Variants in CDC40 observed in about 807,000 individuals in gnomAD.
CDC40 encodes the protein cell division cycle 40, also known as pre-mRNA-processing factor 17.
In CDC40, 27 loss-of-function variants were observed where a neutral mutation model predicts 80.6. The observed-to-expected ratio is 0.33, with a 90% confidence interval of 0.25 to 0.46. The LOEUF is 0.46. CDC40 is among the 20% of genes least tolerant of loss of function. The pLI, the probability that CDC40 is intolerant of heterozygous loss-of-function variation, is 1.00. For missense variants in CDC40, 486 were observed against 694.1 expected (o/e 0.70, Z 3.37); for synonymous variants, 221 against 232.6 (o/e 0.95, Z 0.45).
chr6:110,203,399 CTG>C (rs1777517423), intron 3 of CDC40, among the ~76,000 whole-genome samples: 1 of 152,120 alleles, frequency 6.6e-6, no homozygotes, highest in Admixed American at 6.6e-5. Flanking sequence ...AAATGTAAGG[CTG>C]TGAGACCTTT....
chr6:110,210,552 G>GGA (rs1214475949), intron 5 of CDC40, among the ~76,000 whole-genome samples, 155 bp from the exon 6 acceptor site: 989 of 64,488 alleles, frequency 0.015, 7 homozygotes, highest in Middle Eastern at 0.03. Context: ...ACTCATCTCA[G>GGA]AAAAAAAAAA....
chr6:110,223,085 T>G (rs1777798482), intron 12 of CDC40, among the ~76,000 whole-genome samples: 1 of 152,086 alleles, frequency 6.6e-6, no homozygotes, highest in Non-Finnish European at 1.5e-5. Flanking sequence ...AAAGCTTGTT[T>G]TTGTTTTTTG....
intron 4 of CDC40, among the ~76,000 whole-genome samples, chr6:110,207,934 A>C (rs1335121034): frequency 1.3e-5 from 2 of 152,220 alleles, no homozygotes; most frequent in African/African-American, 2.4e-5. Flanking sequence ...ATTAATGTCA[A>C]GCTTCATTTT....
At position 110,230,143 on chromosome 6, in the gene CDC40, C is replaced by G; in HGVS notation, c.*12C>G. ...AATTGTGGGATTAATGAGATTAATC[C>G]TTAAACTAGCTGGGATCATTTTTGA... On this transcript the variant is annotated 3_prime_UTR_variant, in exon 15 of 15. Coordinates refer to ENST00000307731, the MANE Select transcript of CDC40 (RefSeq NM_015891.3). The G allele has an allele frequency of 6.5e-7, 1 of 1,536,236 alleles. No homozygotes were observed.
chr6:110,185,265 C>T (rs1196093287), intron 1 of CDC40, among the ~76,000 whole-genome samples: 3 of 117,886 alleles, frequency 2.5e-5, no homozygotes, highest in African/African-American at 3.5e-5. Flanking sequence ...TTTTTGGAGA[C>T]GGAGTCTCGC....
chr6:110,185,274 G>A (rs1219382605), intron 1 of CDC40, among the ~76,000 whole-genome samples: 2 of 123,274 alleles, frequency 1.6e-5, no homozygotes, highest in Admixed American at 1.0e-4. Flanking sequence ...ACGGAGTCTC[G>A]CTCTGTCGCC....
At chr6:110,219,713 C>T (rs780585523) in intron 11 of CDC40, 23 bp from the exon 12 acceptor site, 1 of 1,611,154 alleles carries the variant, frequency 6.2e-7, no homozygotes, top group South Asian at 1.1e-5. Context: ...CTGTCTTTAC[C>T]TTTTTTCTTG....
At chr6:110,201,716 A>G (rs1201917314) in intron 3 of CDC40, 29 bp downstream of exon 3, 17 of 1,603,628 alleles carry the variant, frequency 1.1e-5, no homozygotes, top group Non-Finnish European at 1.4e-5. Context: ...AGCAGTTTCA[A>G]TTTTGGCTTT....
intron 2 of CDC40, among the ~76,000 whole-genome samples, chr6:110,198,525 C>A (rs1777449024): frequency 6.6e-6 from 1 of 152,036 alleles, no homozygotes; most frequent in Admixed American, 6.6e-5. Context: ...AAATTCAAGT[C>A]CTTTGCCAAT....
intron 1 of CDC40, among the ~76,000 whole-genome samples, chr6:110,181,466 G>A (rs1367069423): frequency 6.6e-6 from 1 of 152,134 alleles, no homozygotes. Context: ...ATGTGAAGAG[G>A]GGAGGCGGTG....
chr6:110,210,140 T>C (rs74829253), intron 5 of CDC40, among the ~76,000 whole-genome samples: 10,964 of 152,132 alleles, frequency 0.072, 538 homozygotes, highest in African/African-American at 0.14. Flanking sequence ...TAAAATTTAT[T>C]TCTAGGTGTC....
chr6:110,208,848 T>C (rs1024519314), intron 4 of CDC40, among the ~76,000 whole-genome samples: 5 of 152,216 alleles, frequency 3.3e-5, no homozygotes, highest in Admixed American at 1.3e-4. Flanking sequence ...ATTTGCAGAA[T>C]ATTGAATTAG....
chr6:110,230,070 C>T lies in CDC40; in HGVS notation c.1679C>T (p.Pro560Leu), dbSNP rs1342202452. 5 of 1,612,350 alleles carry T rather than the reference C, an allele frequency of 3.1e-6. No individual in the cohort carries two copies. In the African/African-American group the frequency reaches 5.3e-5, roughly 17 times the overall value. The change falls in exon 15 of 15, where the codon CCT becomes CTT. Residue 560 changes from proline to leucine, a missense_variant. Pro to Leu is a moderately conservative substitution (Grantham distance 98). Around this residue, in one of 3 missense-constraint regions of CDC40, gnomAD observed 88 missense variants for 138.7 expected, o/e 0.63. Coordinates refer to ENST00000307731, the MANE Select transcript of CDC40 (RefSeq NM_015891.3). ...GTGTGTATAGGTGCAGTGTGGCATC[C>T]TCATGAAACTTCTAAGGTCATAACA... ...DKVCIGAVWH[P>L]HETSKVITCG...
chr6:110,186,982 A>C (rs942170956), intron 1 of CDC40, among the ~76,000 whole-genome samples: 5 of 151,980 alleles, frequency 3.3e-5, no homozygotes, highest in Non-Finnish European at 7.4e-5. Flanking sequence ...TTCTGGATAA[A>C]ATTTTTTTTT....
Position 110,230,177 on chromosome 6 carries a change from C to A in CDC40, c.*46C>A. The stretch of plus-strand genomic sequence containing the variant: ...GCTGGGATCATTTTTGATCCATTGT[C>A]ATATTTATATTTAATTATTAAATGT... On this transcript the variant is annotated 3_prime_UTR_variant, in exon 15 of 15. Transcript: ENST00000307731. 1.7e-6 allele frequency: 2 copies of A among 1,160,750 alleles called. No individual in the cohort carries two copies. Among genetic ancestry groups the A allele is most frequent in the South Asian group, 2.8e-5 (2 of 72,504 alleles). 71.9% of individuals were successfully genotyped at this position (1,160,750 alleles called of 1,614,324 possible).
intron 12 of CDC40, among the ~76,000 whole-genome samples, chr6:110,222,037 C>T (rs963041946): frequency 6.6e-6 from 1 of 152,062 alleles, no homozygotes; most frequent in African/African-American, 2.4e-5. Flanking sequence ...GGGTGGATCA[C>T]TTGAACCCAG....
At chr6:110,210,900 T>G in intron 6 of CDC40, 97 bp downstream of exon 6, 21 of 446,924 alleles carry the variant, frequency 4.7e-5, no homozygotes, top group Non-Finnish European at 7.7e-5. Flanking sequence ...CTATCAGCTG[T>G]AATAAAATCA....
intron 13 of CDC40, among the ~76,000 whole-genome samples, chr6:110,227,306 A>C (rs1777877515): frequency 6.6e-6 from 1 of 152,164 alleles, no homozygotes; most frequent in African/African-American, 2.4e-5. Flanking sequence ...CTGTCAATTC[A>C]CATAATTAAC....
At position 110,195,351 on chromosome 6, in the gene CDC40, A is replaced by G. The variant is rs116060600; in HGVS notation, c.276+2083A>G. ...TTTTTAAAAAGATAGAGACCAGACT[A>G]TTTCTTATTATGCCTCTAAAGTACT... On this transcript the variant is annotated intron_variant, in intron 2 of 14. Transcript: ENST00000307731. 5.2e-3 allele frequency among the ~76,000 whole-genome samples: 795 copies of G among 152,228 alleles called. 8 individuals carry two copies. The highest frequency in any genetic ancestry group is 0.019 in the African/African-American group (774 of 41,536).
Sources: gnomAD v4.1 joint callset for allele counts (sites outside exome capture counted in the v4.1 genomes callset) on GRCh38, gnomAD v4.1.1 for gene constraint, gnomAD v4.1.1 regional missense constraint, MANE v1.5 for transcripts, NCBI Gene and HGNC (gene_info 2026-07-23, HGNC 2026-07-21) for gene names.